The following BRD10 variants were observed in gnomAD, a reference collection of about 807,000 sequenced individuals.
BRD10 encodes uncharacterized bromodomain-containing protein 10.
the BRD10 span, among the ~76,000 whole-genome samples, chr9:5,951,075 CA>C: frequency 2.5e-4 from 36 of 143,044 alleles, no homozygotes; most frequent in East Asian, 1.6e-3. Context: ...CACACACACA[CA>C]CCCCCACCCC....
At chr9:5,908,893 A>AG in the BRD10 span, 1 of 571,376 alleles carries the variant, frequency 1.8e-6, no homozygotes, top group Non-Finnish European at 3.1e-6. Flanking sequence ...GGAAATGATG[A>AG]GAAATATTAA....
At chr9:5,900,769 AG>A in the BRD10 span, among the ~76,000 whole-genome samples, 1 of 152,272 alleles carries the variant, frequency 6.6e-6, no homozygotes, top group Admixed American at 6.5e-5. Context: ...TTGTAGCAAC[AG>A]GAAGTGGGAA....
At chr9:5,983,292 C>T in the BRD10 span, among the ~76,000 whole-genome samples, 1 of 152,144 alleles carries the variant, frequency 6.6e-6, no homozygotes, top group African/African-American at 2.4e-5. Flanking sequence ...CCTAAAACAG[C>T]TTAAAACCTG....
At chr9:5,971,454 AT>A in the BRD10 span, among the ~76,000 whole-genome samples, 1 of 152,202 alleles carries the variant, frequency 6.6e-6, no homozygotes, top group African/African-American at 2.4e-5. Context: ...AGAGCCAAAA[AT>A]GGGAACAAAT....
At chr9:5,886,358 T>TG in the BRD10 span, among the ~76,000 whole-genome samples, 3 of 152,216 alleles carry the variant, frequency 2.0e-5, no homozygotes, top group African/African-American at 7.2e-5. Context: ...GGGGCTGGTG[T>TG]GGGGGCTGAG....
chr9:5,933,133 T>G, the BRD10 span, among the ~76,000 whole-genome samples: 1 of 152,194 alleles, frequency 6.6e-6, no homozygotes, highest in East Asian at 1.9e-4. Flanking sequence ...TGCTATGACT[T>G]TCTCTAATAA....
At chr9:5,955,689 A>ATAAGTAAG in the BRD10 span, among the ~76,000 whole-genome samples, 1 of 152,178 alleles carries the variant, frequency 6.6e-6, no homozygotes, top group Admixed American at 6.5e-5. Flanking sequence ...ATAAGTATTG[A>ATAAGTAAG]CGGGTATCAT....
the BRD10 span, among the ~76,000 whole-genome samples, chr9:5,970,790 C>T: frequency 5.3e-5 from 8 of 152,028 alleles, no homozygotes; most frequent in Non-Finnish European, 7.4e-5. Context: ...GTGGCTCACG[C>T]CTGTAATCCC....
the BRD10 span, among the ~76,000 whole-genome samples, chr9:5,974,012 C>T: frequency 6.6e-6 from 1 of 152,106 alleles, no homozygotes; most frequent in Non-Finnish European, 1.5e-5. Flanking sequence ...TTTTCCAGAA[C>T]TAATGGGCAC....
chr9:5,976,391 T>C, the BRD10 span, among the ~76,000 whole-genome samples: 1 of 152,202 alleles, frequency 6.6e-6, no homozygotes, highest in Non-Finnish European at 1.5e-5. Context: ...TCAAGTTATT[T>C]CCCATAAAAT....
the BRD10 span, chr9:5,922,596 G>C: frequency 6.2e-7 from 1 of 1,613,950 alleles, no homozygotes; most frequent in African/African-American, 1.3e-5. Flanking sequence ...GAACAATGTT[G>C]TTCTGTACCT....
chr9:5,960,574 A>G, the BRD10 span, among the ~76,000 whole-genome samples: 2 of 151,886 alleles, frequency 1.3e-5, no homozygotes, highest in Admixed American at 6.6e-5. Flanking sequence ...AAAAAAAAAA[A>G]AAAGAAAAGA....
the BRD10 span, chr9:5,921,867 T>C: frequency 6.2e-7 from 1 of 1,613,976 alleles, no homozygotes; most frequent in South Asian, 1.1e-5. Context: ...CCACTGCCAG[T>C]GGTGTGGCCT....
the BRD10 span, chr9:5,921,016 T>A: frequency 3.8e-5 from 62 of 1,613,858 alleles, no homozygotes; most frequent in Non-Finnish European, 5.2e-5. Flanking sequence ...AACCCAAAGA[T>A]AAATTTGCTC....
the BRD10 span, among the ~76,000 whole-genome samples, chr9:5,997,987 A>C: frequency 6.6e-6 from 1 of 152,230 alleles, no homozygotes; most frequent in East Asian, 1.9e-4. Flanking sequence ...AACAATAGAA[A>C]GAAATAGGCA....
chr9:5,904,688 G>A, the BRD10 span, among the ~76,000 whole-genome samples: 1 of 151,868 alleles, frequency 6.6e-6, no homozygotes, highest in Non-Finnish European at 1.5e-5. Context: ...GGCCAGGCTG[G>A]AACTCGACCT....
At chr9:5,940,125 TCTTTTTAA>T in the BRD10 span, among the ~76,000 whole-genome samples, 1 of 152,180 alleles carries the variant, frequency 6.6e-6, no homozygotes, top group East Asian at 1.9e-4. Flanking sequence ...GAAATTTCTT[TCTTTTTAA>T]CATATCTTTT....
the BRD10 span, among the ~76,000 whole-genome samples, chr9:5,935,130 T>C: frequency 6.6e-6 from 1 of 152,200 alleles, no homozygotes; most frequent in East Asian, 1.9e-4. Flanking sequence ...AAAAGTACTT[T>C]AACACTGACA....
the BRD10 span, among the ~76,000 whole-genome samples, chr9:5,957,961 C>CA: frequency 3.3e-5 from 5 of 152,108 alleles, no homozygotes; most frequent in Non-Finnish European, 7.4e-5. Flanking sequence ...CTTTTACTTC[C>CA]ACTGCCCTAA....
Sources: allele counts gnomAD v4.1 joint callset (sites outside exome capture counted in the v4.1 genomes callset), GRCh38; gene constraint gnomAD v4.1.1; transcripts MANE v1.5; gene names NCBI Gene and HGNC (gene_info 2026-07-23, HGNC 2026-07-21).